MSRA: variants seen among roughly 807,000 people sequenced by gnomAD.
The protein encoded by MSRA is methionine sulfoxide reductase A, also known as mitochondrial peptide methionine sulfoxide reductase.
MSRA carries 54 observed loss-of-function variants against 31.3 expected under a neutral mutation model. The observed-to-expected ratio is 1.73, with a 90% CI of 1.39 to 2.17. MSRA has a LOEUF of 2.17. Ranked by LOEUF, MSRA falls within the 30% of genes most tolerant of loss-of-function variation. The probability of loss-of-function intolerance (pLI) is 0.00; values close to 1 mark genes in which losing one functional copy is unlikely to be tolerated. For synonymous variants in MSRA, 169 were observed against 116.5 expected (o/e 1.45, Z -2.90); for missense variants, 507 against 300.9 (o/e 1.69, Z -5.07).
chr8:10,081,955 C>A (rs546615241), intron 1 of MSRA, among the ~76,000 whole-genome samples: 14 of 152,212 alleles, frequency 9.2e-5, no homozygotes, highest in Admixed American at 2.0e-4. Flanking sequence ...TGTGTCCCAG[C>A]GCTGTGAGGG....
At chr8:10,098,528 A>G (rs1340236445) in intron 1 of MSRA, among the ~76,000 whole-genome samples, 2 of 152,190 alleles carry the variant, frequency 1.3e-5, no homozygotes, top group Non-Finnish European at 2.9e-5. Context: ...TATTTTGGGT[A>G]ACGGGGATGG....
At chr8:10,335,494 C>T (rs746001553) in intron 5 of MSRA, among the ~76,000 whole-genome samples, 1 of 152,036 alleles carries the variant, frequency 6.6e-6, no homozygotes, top group Non-Finnish European at 1.5e-5. Context: ...ACTGGGGAGG[C>T]GATTGGAATT....
intron 4 of MSRA, among the ~76,000 whole-genome samples, chr8:10,310,656 TG>T (rs1801385737): frequency 6.6e-6 from 1 of 152,216 alleles, no homozygotes. Context: ...AGACCCATTT[TG>T]TAGAGGAACA....
intron 1 of MSRA, among the ~76,000 whole-genome samples, chr8:10,144,809 C>T (rs1179511881): frequency 6.6e-6 from 1 of 152,030 alleles, no homozygotes. Context: ...CAGAGGTGGG[C>T]AGTTGGGGGA....
At chr8:10,122,625 G>A (rs1801209833) in intron 1 of MSRA, among the ~76,000 whole-genome samples, 1 of 151,406 alleles carries the variant, frequency 6.6e-6, no homozygotes, top group South Asian at 2.1e-4. Flanking sequence ...AGATTATTTT[G>A]TCACCCGGAT....
intron 2 of MSRA, among the ~76,000 whole-genome samples, chr8:10,237,594 A>C (rs548755511): frequency 6.6e-6 from 1 of 152,340 alleles, no homozygotes; most frequent in East Asian, 1.9e-4. Context: ...AAGAAGTATA[A>C]GGTAAGAAGA....
At chr8:10,363,306 C>T (rs543608951) in intron 5 of MSRA, among the ~76,000 whole-genome samples, 6 of 152,294 alleles carry the variant, frequency 3.9e-5, no homozygotes, top group African/African-American at 9.6e-5. Flanking sequence ...CGTGCTTTTC[C>T]GGCCCATGAG....
chr8:10,200,929 T>C (rs539577402), intron 1 of MSRA, among the ~76,000 whole-genome samples: 64 of 152,166 alleles, frequency 4.2e-4, no homozygotes, highest in African/African-American at 1.5e-3. Flanking sequence ...CCCAGAACGC[T>C]CAGTCAGTGT....
intron 1 of MSRA, among the ~76,000 whole-genome samples, chr8:10,164,715 T>C (rs1044109412): frequency 6.6e-6 from 1 of 152,132 alleles, no homozygotes; most frequent in Non-Finnish European, 1.5e-5. Flanking sequence ...CCCTGTAGAA[T>C]AGTCACCCTC....
At chr8:10,232,645 T>C (rs1438694208) in intron 2 of MSRA, among the ~76,000 whole-genome samples, 1 of 152,242 alleles carries the variant, frequency 6.6e-6, no homozygotes, top group East Asian at 1.9e-4. Flanking sequence ...TTAAGGTTCT[T>C]CCTGAAGATT....
At chr8:10,368,353 A>T (rs1204999034) in intron 5 of MSRA, among the ~76,000 whole-genome samples, 1 of 152,258 alleles carries the variant, frequency 6.6e-6, no homozygotes, top group Non-Finnish European at 1.5e-5. Flanking sequence ...CACGAATAAG[A>T]TGTGCAGATA....
At chr8:10,362,616 G>A (rs1355881685) in intron 5 of MSRA, among the ~76,000 whole-genome samples, 1 of 151,874 alleles carries the variant, frequency 6.6e-6, no homozygotes, top group East Asian at 1.9e-4. Flanking sequence ...AGTCCCCCTA[G>A]AGTCCAGGGT....
intron 2 of MSRA, among the ~76,000 whole-genome samples, chr8:10,216,324 G>C (rs1260697663): frequency 6.6e-6 from 1 of 152,166 alleles, no homozygotes; most frequent in African/African-American, 2.4e-5. Flanking sequence ...TATAAAACTT[G>C]CTCATAAATT....
At chr8:10,145,126 T>A (rs1017324282) in intron 1 of MSRA, among the ~76,000 whole-genome samples, 1 of 152,130 alleles carries the variant, frequency 6.6e-6, no homozygotes, top group Non-Finnish European at 1.5e-5. Context: ...CATACTGAAA[T>A]GAAGTCTAAT....
At chr8:10,269,157 G>T (rs1375837423) in intron 3 of MSRA, among the ~76,000 whole-genome samples, 1 of 152,218 alleles carries the variant, frequency 6.6e-6, no homozygotes, top group Non-Finnish European at 1.5e-5. Context: ...TGCACGTTGT[G>T]CTCAGATAAT....
At chr8:10,397,160 CCTT>C (rs1251903461) in intron 5 of MSRA, among the ~76,000 whole-genome samples, 1 of 152,202 alleles carries the variant, frequency 6.6e-6, no homozygotes, top group African/African-American at 2.4e-5. Flanking sequence ...CCCGGCTTGA[CCTT>C]CTGCTAGAAT....
chr8:10,161,476 T>C (rs182652959), intron 1 of MSRA, among the ~76,000 whole-genome samples: 183 of 152,330 alleles, frequency 1.2e-3, no homozygotes, highest in African/African-American at 4.0e-3. Flanking sequence ...GCAGGTTTTA[T>C]GCAGCTTGAA....
intron 1 of MSRA, among the ~76,000 whole-genome samples, chr8:10,107,059 C>G (rs925206246): frequency 2.6e-5 from 4 of 152,154 alleles, no homozygotes; most frequent in Non-Finnish European, 4.4e-5. Flanking sequence ...ATGGATAGAA[C>G]ACAGATAACC....
At chr8:10,369,877 T>C (rs1257195294) in intron 5 of MSRA, among the ~76,000 whole-genome samples, 1 of 152,228 alleles carries the variant, frequency 6.6e-6, no homozygotes, top group Non-Finnish European at 1.5e-5. Context: ...TTATAGCAGA[T>C]AAAAGAGGAA....
Sources: allele counts gnomAD v4.1 joint callset (sites outside exome capture counted in the v4.1 genomes callset), GRCh38; gene constraint gnomAD v4.1.1; transcripts MANE v1.5; gene names NCBI Gene and HGNC (gene_info 2026-07-23, HGNC 2026-07-21).